Variants in GLI2 observed in about 807,000 individuals in gnomAD.
The protein encoded by GLI2 is GLI family zinc finger 2.
Under a neutral mutation model 78.9 loss-of-function variants are expected in GLI2, and 22 were observed. That is an observed-to-expected ratio of 0.28 (90% CI 0.20 to 0.40). The LOEUF (loss-of-function observed/expected upper bound fraction) is 0.40, where lower values mean the gene tolerates loss of function less well. Ranked by LOEUF, GLI2 falls within the 10% of genes least tolerant of loss-of-function variation. The pLI is 1.00. For synonymous variants in GLI2, 974 were observed against 963.7 expected (o/e 1.01, Z -0.20); for missense variants, 2,097 against 2,213.2 (o/e 0.95, Z 1.05).
intron 3 of GLI2, among the ~76,000 whole-genome samples, chr2:120,930,168 C>T (rs541821223): frequency 5.3e-4 from 80 of 152,294 alleles, no homozygotes; most frequent in African/African-American, 1.5e-3. Flanking sequence ...TCCTGGTTCA[C>T]CTCTCCCTAT....
intron 5 of GLI2, among the ~76,000 whole-genome samples, chr2:120,968,000 G>T (rs1373358921): frequency 6.6e-6 from 1 of 152,204 alleles, no homozygotes; most frequent in Non-Finnish European, 1.5e-5. Context: ...GGGCACTTTA[G>T]TGGTGATTCC....
intron 2 of GLI2, among the ~76,000 whole-genome samples, chr2:120,880,235 G>A (rs1259459668): frequency 6.6e-6 from 1 of 152,174 alleles, no homozygotes. Context: ...CTTAGAGCCC[G>A]TCGTCCAGAT....
chr2:120,911,050 AG>A (rs1355175584), intron 2 of GLI2, among the ~76,000 whole-genome samples: 2 of 152,256 alleles, frequency 1.3e-5, no homozygotes, highest in East Asian at 3.9e-4. Flanking sequence ...GGCTGCCCTG[AG>A]GGGGAGTGGG....
At chr2:120,789,737 C>G (rs1684094102) in intron 1 of GLI2, among the ~76,000 whole-genome samples, 1 of 152,226 alleles carries the variant, frequency 6.6e-6, no homozygotes, top group African/African-American at 2.4e-5. Context: ...TCTGTGCATA[C>G]AAAGGAGTTG....
chr2:120,816,156 C>T (rs1201363407), intron 2 of GLI2, among the ~76,000 whole-genome samples: 1 of 151,674 alleles, frequency 6.6e-6, no homozygotes, highest in Non-Finnish European at 1.5e-5. Flanking sequence ...TCCACAGATC[C>T]CTGTACACTT....
chr2:120,837,454 G>A (rs1222466358), intron 2 of GLI2, among the ~76,000 whole-genome samples: 1 of 150,410 alleles, frequency 6.6e-6, no homozygotes, highest in African/African-American at 2.5e-5. Context: ...TAATTTCTCA[G>A]TCTTCTGTTG....
At chr2:120,754,620 A>G (rs1193520861) in intron 1 of GLI2, among the ~76,000 whole-genome samples, 2 of 152,200 alleles carry the variant, frequency 1.3e-5, no homozygotes, top group Admixed American at 6.5e-5. Context: ...ATTGCTGAGT[A>G]GTAGTTCATC....
chr2:120,798,242 C>G (rs1395974243), intron 2 of GLI2, among the ~76,000 whole-genome samples: 6 of 152,238 alleles, frequency 3.9e-5, no homozygotes, highest in African/African-American at 1.4e-4. Context: ...AGAGAATGCG[C>G]CTTTTCTTCC....
At chr2:120,876,943 C>T (rs1688780383) in intron 2 of GLI2, among the ~76,000 whole-genome samples, 1 of 152,230 alleles carries the variant, frequency 6.6e-6, no homozygotes, top group Non-Finnish European at 1.5e-5. Flanking sequence ...GACGTGCCCC[C>T]AACTGTGTAA....
In GLI2 at chr2:120,797,427, T is replaced by C; in HGVS notation, c.107T>C (p.Val36Ala). 6.2e-7 allele frequency: 1 copy of C among 1,613,796 alleles called. No homozygotes were observed. Among genetic ancestry groups the C allele is most frequent in the Non-Finnish European group, 8.5e-7 (1 of 1,179,894 alleles). Reference protein sequence around the residue: ...PDPGKKASPLVVAAAAAAAVA... With the variant: ...PDPGKKASPLAVAAAAAAAVA... Reference sequence around the variant, plus strand: ...CCGGGTAAAAAGGCCTCTCCTTTGGTGGTGGCTGCAGCGGCAGCAGCAGCG... The same window carrying C: ...CCGGGTAAAAAGGCCTCTCCTTTGGCGGTGGCTGCAGCGGCAGCAGCAGCG... Residue 36 changes from valine (V) to alanine (A), a missense_variant, in exon 2 of 14, where the codon GTG becomes GCG. This residue lies in a region of GLI2 where 578 missense variants were observed against 612.0 expected (regional missense o/e 0.94). Coordinates refer to ENST00000361492, the MANE Select transcript of GLI2 (RefSeq NM_001374353.1).
At chr2:120,937,597 C>T (rs1263945064) in intron 3 of GLI2, among the ~76,000 whole-genome samples, 1 of 152,214 alleles carries the variant, frequency 6.6e-6, no homozygotes, top group Non-Finnish European at 1.5e-5. Flanking sequence ...TCCCCAACCC[C>T]ACCCACTGGG....
chr2:120,955,315 T>C lies in GLI2; in HGVS notation c.528T>C (p.Tyr176=), dbSNP rs2104964960. ...LPAPGTTPSD[Y]YHQMTLVAGH... ...CTCCAGGCACCACCCCCTCAGACTA[T>C]TACCACCAGATGACCCTCGTGGCAG... Residue 176 remains tyrosine (Y), a synonymous_variant, in exon 5 of 14, where the codon TAT becomes TAC. Transcript: ENST00000361492. The C allele has an allele frequency of 6.2e-7, 1 of 1,612,666 alleles. No individual in the cohort carries two copies. The highest frequency in any genetic ancestry group is 2.2e-5 in the East Asian group (1 of 44,826).
intron 1 of GLI2, among the ~76,000 whole-genome samples, chr2:120,751,583 T>A (rs1033034317): frequency 3.3e-5 from 5 of 152,202 alleles, no homozygotes; most frequent in Admixed American, 6.5e-5. Flanking sequence ...GCAGATCCTT[T>A]ATAAAATAAT....
intron 2 of GLI2, among the ~76,000 whole-genome samples, chr2:120,893,573 G>C (rs536057236): frequency 6.6e-6 from 1 of 151,868 alleles, no homozygotes; most frequent in Admixed American, 6.6e-5. Flanking sequence ...GTGAGTCAGA[G>C]CCGGCCAAGA....
intron 2 of GLI2, among the ~76,000 whole-genome samples, chr2:120,798,672 G>A (rs543430736): frequency 1.9e-4 from 27 of 144,930 alleles, no homozygotes; most frequent in African/African-American, 5.4e-4. Context: ...CCCCTTGGAC[G>A]GGGACTCTCT....
chr2:120,801,075 T>C (rs1684688331), intron 2 of GLI2, among the ~76,000 whole-genome samples: 1 of 152,170 alleles, frequency 6.6e-6, no homozygotes, highest in East Asian at 1.9e-4. Flanking sequence ...ACGGCTAGAA[T>C]TGCATGGCTT....
At chr2:120,962,390 C>T (rs770963615) in intron 5 of GLI2, among the ~76,000 whole-genome samples, 1 of 152,236 alleles carries the variant, frequency 6.6e-6, no homozygotes, top group African/African-American at 2.4e-5. Context: ...TCCATGAGGA[C>T]AGGGTCAGAG....
intron 2 of GLI2, among the ~76,000 whole-genome samples, chr2:120,799,502 G>A (rs115535313): frequency 0.022 from 3,337 of 152,278 alleles, 108 homozygotes; most frequent in African/African-American, 0.075. Flanking sequence ...GCTTTTTTTG[G>A]GAAGGGTCCT....
At chr2:120,747,319 A>G (rs900701501) in intron 1 of GLI2, among the ~76,000 whole-genome samples, 9 of 152,160 alleles carry the variant, frequency 5.9e-5, no homozygotes, top group African/African-American at 2.2e-4. Context: ...GCCACTTGCA[A>G]AATAGGGCCT....
Sources: gnomAD v4.1 joint callset for allele counts (sites outside exome capture counted in the v4.1 genomes callset) on GRCh38, gnomAD v4.1.1 for gene constraint, gnomAD v4.1.1 regional missense constraint, MANE v1.5 for transcripts, NCBI Gene and HGNC (gene_info 2026-07-23, HGNC 2026-07-21) for gene names.